The following PCDHA2 variants were observed in gnomAD, a reference collection of about 807,000 sequenced individuals.
PCDHA2 encodes protocadherin alpha-2.
Under a neutral mutation model 66.0 loss-of-function variants are expected in PCDHA2, and 58 were observed. The ratio of observed to expected loss-of-function variants is 0.88; its 90% confidence interval spans 0.71 to 1.09. The LOEUF is 1.09. Among genes scored for constraint, PCDHA2 ranks in the 50% least tolerant of loss-of-function variants. The pLI, the probability that PCDHA2 is intolerant of heterozygous loss-of-function variation, is 0.00. For missense variants in PCDHA2, 1,267 were observed against 1,242.3 expected, an observed-to-expected ratio of 1.02 and a Z score of -0.30; for synonymous variants, 634 against 554.0, an observed-to-expected ratio of 1.14 and a Z score of -2.03.
At chr5:140,858,512 T>C in intron 1 of PCDHA2, 1 of 1,426,790 alleles carries the variant, frequency 7.0e-7, no homozygotes, top group Non-Finnish European at 9.7e-7. Flanking sequence ...CTCAAATATG[T>C]ATCAGAATAT....
intron 1 of PCDHA2, chr5:140,801,150 A>C (rs782190308): frequency 8.5e-6 from 13 of 1,530,266 alleles, no homozygotes; most frequent in Non-Finnish European, 1.1e-5. Flanking sequence ...ATTATTTTTA[A>C]ACTTTGGATC....
chr5:140,829,116 A>T, intron 1 of PCDHA2: 5 of 1,612,284 alleles, frequency 3.1e-6, no homozygotes, highest in Non-Finnish European at 4.2e-6. Context: ...AGAATTTTGG[A>T]TAAAAATGAT....
At chr5:140,883,575 GGGCCAC>G (rs1239547262) in intron 1 of PCDHA2, 1 of 1,613,954 alleles carries the variant, frequency 6.2e-7, no homozygotes, top group African/African-American at 1.3e-5. Flanking sequence ...CCTTCGCTGT[GGGCCAC>G]GGCCAGCGTG....
chr5:140,998,664 A>C (rs1204598567), intron 3 of PCDHA2, among the ~76,000 whole-genome samples: 1 of 151,936 alleles, frequency 6.6e-6, no homozygotes, highest in Non-Finnish European at 1.5e-5. Flanking sequence ...TCCTGGGTTC[A>C]AGTGATTCTC....
chr5:140,823,810 T>A (rs1767880072), intron 1 of PCDHA2: 1 of 1,613,758 alleles, frequency 6.2e-7, no homozygotes, highest in Non-Finnish European at 8.5e-7. Context: ...GAAGGCCTCA[T>A]CGCGGGCGTC....
chr5:140,849,943 A>G lies in PCDHA2; in HGVS notation c.2388+52591A>G, dbSNP rs2150458955. The G allele has an allele frequency of 3.8e-6, 6 of 1,597,666 alleles. 2 individuals carry two copies. In the African/African-American group the frequency reaches 5.4e-5, roughly 14 times the overall value. On this transcript the variant is annotated intron_variant, in intron 1 of 3. Transcript: ENST00000526136. ...TTCACGGTGTCTGCGCGGGACGCTG[A>G]CGCGCAGGAGAACGCCCTGGTGTCC...
rs181382577 is a variant in PCDHA2 at position 140,851,207 on chromosome 5, A to G, written c.2388+53855A>G. 3,689 of 1,174,684 alleles carry G rather than the reference A, an allele frequency of 3.1e-3. 213 individuals carry two copies. The highest frequency in any genetic ancestry group is 3.6e-3 in the Non-Finnish European group (3,326 of 916,620). The allele number at this position is 1,174,684 out of a possible 1,614,324, so 72.8% of individuals were successfully genotyped here. On this transcript the variant is annotated intron_variant, in intron 1 of 3. Transcript: ENST00000526136. The stretch of plus-strand genomic sequence containing the variant: ...CCAATTTAGTTGTTAGTCATTCATT[A>G]AACATTAACATCACTATCATTTATT...
chr5:140,854,012 A>G (rs1356134246), intron 1 of PCDHA2: 2 of 368,086 alleles, frequency 5.4e-6, no homozygotes, highest in African/African-American at 4.5e-5. Flanking sequence ...AAAAAAAAAA[A>G]TTAGCCGGGC....
chr5:141,010,396 C>A lies in PCDHA2; in HGVS notation c.*459C>A. 7.5e-7 allele frequency: 1 copy of A among 1,337,260 alleles called. No individual in the cohort carries two copies. Among genetic ancestry groups the A allele is most frequent in the Non-Finnish European group, 1.0e-6 (1 of 999,990 alleles). 82.8% of individuals were successfully genotyped at this position (1,337,260 alleles called of 1,614,324 possible). On this transcript the variant is annotated 3_prime_UTR_variant, in exon 4 of 4. Coordinates refer to ENST00000526136, the MANE Select transcript of PCDHA2 (RefSeq NM_018905.3). ...GTGCCAGATATTGGCTGAGACGAGC[C>A]AGCTTAGACTAATTGGTACAAGGAA...
chr5:140,803,504 C>T lies in PCDHA2; in HGVS notation c.2388+6152C>T, dbSNP rs201201783. 429 of 1,614,252 alleles carry T rather than the reference C, an allele frequency of 2.7e-4. 3 individuals are homozygous for T. The highest frequency in any genetic ancestry group is 2.0e-3 in the South Asian group (184 of 91,084). On this transcript the variant is annotated intron_variant, in intron 1 of 3. Transcript: ENST00000526136. ...GAGAGGGGTTGCCCAAGACCGACCT[C>T]ATGGCTTTTAGCCCTAGCCTTCCTC... is the stretch of plus-strand genomic sequence containing the variant.
intron 1 of PCDHA2, chr5:140,836,819 C>A: frequency 1.8e-6 from 2 of 1,113,460 alleles, no homozygotes; most frequent in East Asian, 2.5e-5. Flanking sequence ...TTCATAATTT[C>A]TTTTTTAGTT....
intron 3 of PCDHA2, among the ~76,000 whole-genome samples, chr5:140,987,875 G>A (rs1293461683): frequency 6.6e-6 from 1 of 152,008 alleles, no homozygotes; most frequent in Non-Finnish European, 1.5e-5. Flanking sequence ...GTGGAAAATG[G>A]ACAGTTTATG....
intron 1 of PCDHA2, among the ~76,000 whole-genome samples, chr5:140,925,502 C>G (rs978472276): frequency 6.6e-6 from 1 of 151,912 alleles, no homozygotes; most frequent in Admixed American, 6.6e-5. Context: ...GTCCCAATAT[C>G]CACGCAAAAG....
At chr5:140,996,755 C>T (rs1335663800) in intron 3 of PCDHA2, among the ~76,000 whole-genome samples, 2 of 152,142 alleles carry the variant, frequency 1.3e-5, no homozygotes, top group Non-Finnish European at 2.9e-5. Context: ...TATATCTGTG[C>T]AGGACTAAAA....
chr5:140,809,524 T>A (rs1764490216), intron 1 of PCDHA2: 1 of 1,614,024 alleles, frequency 6.2e-7, no homozygotes, highest in South Asian at 1.1e-5. Flanking sequence ...TACCTGACTC[T>A]AGGGACAGAG....
chr5:140,969,450 G>GTA (rs782343162), intron 1 of PCDHA2: 4 of 1,511,552 alleles, frequency 2.6e-6, no homozygotes, highest in Non-Finnish European at 3.6e-6. Flanking sequence ...GGTAAACTGA[G>GTA]TATATATAGT....
intron 1 of PCDHA2, chr5:140,815,377 T>C (rs1765709117): frequency 6.6e-6 from 1 of 152,104 alleles, no homozygotes; most frequent in South Asian, 2.1e-4. Flanking sequence ...TCTTTGTGGT[T>C]ACCATGGGGC....
chr5:140,871,316 T>C, intron 1 of PCDHA2: 1 of 1,614,034 alleles, frequency 6.2e-7, no homozygotes, highest in South Asian at 1.1e-5. Context: ...AAGCCCACGC[T>C]GGTGTGCTCC....
rs1554124756 is a variant in PCDHA2 at position 140,808,750 on chromosome 5, G to A, written c.2388+11398G>A. On this transcript the variant is annotated intron_variant, in intron 1 of 3. Coordinates refer to ENST00000526136, the MANE Select transcript of PCDHA2 (RefSeq NM_018905.3). ...AGAGCGGCAAGGTGTACGCGCTGCAGCCGCTGGACCACGAGGAGCTAGAGC... is the reference window on the plus strand; with the variant it reads ...AGAGCGGCAAGGTGTACGCGCTGCAACCGCTGGACCACGAGGAGCTAGAGC... 13 of 1,612,220 alleles carry A rather than the reference G, an allele frequency of 8.1e-6. 1 individual carries two copies. Among genetic ancestry groups the A allele is most frequent in the Non-Finnish European group, 1.1e-5 (13 of 1,179,814 alleles).
Sources: allele counts gnomAD v4.1 joint callset (sites outside exome capture counted in the v4.1 genomes callset), GRCh38; gene constraint gnomAD v4.1.1; transcripts MANE v1.5; gene names NCBI Gene and HGNC (gene_info 2026-07-23, HGNC 2026-07-21).